CLIP4: variants seen among roughly 807,000 people sequenced by gnomAD.
CLIP4 encodes CAP-Gly domain containing linker protein family member 4, also known as CAP-Gly domain-containing linker protein 4.
CLIP4 carries 47 observed loss-of-function variants against 73.1 expected under a neutral mutation model. The observed-to-expected ratio is 0.64, with a 90% confidence interval of 0.51 to 0.82. The LOEUF is 0.82. Ranked by LOEUF, CLIP4 falls within the 40% of genes least tolerant of loss-of-function variation. The pLI, the probability that CLIP4 is intolerant of heterozygous loss-of-function variation, is 0.00. For missense variants in CLIP4, 874 were observed against 852.9 expected (o/e 1.02, Z -0.31); for synonymous variants, 306 against 295.4 (o/e 1.04, Z -0.37).
In CLIP4 at chr2:29,157,481, A is replaced by G. The variant is rs548267385; in HGVS notation, c.1399+134A>G. ...GATTGAACTACTTTTACTCTTCCCC[A>G]CCTCCCCCGAACCTTAAGCCTTAAG... On this transcript the variant is annotated intron_variant, in intron 11 of 15. Transcript: ENST00000320081. 10 of 1,387,948 alleles carry G rather than the reference A, an allele frequency of 7.2e-6. No homozygotes were observed. The South Asian group carries it at 1.1e-4, about 15-fold the overall frequency. 86.0% of individuals were successfully genotyped at this position (1,387,948 alleles called of 1,614,324 possible).
intron 3 of CLIP4, 132 bp downstream of exon 3, chr2:29,131,529 A>T: frequency 1.0e-6 from 1 of 975,724 alleles, no homozygotes; most frequent in Non-Finnish European, 1.5e-6. Context: ...TTGTATTTCC[A>T]GGATTTTCAT....
chr2:29,112,597 G>T (rs1668410534), upstream of CLIP4, among the ~76,000 whole-genome samples: 1 of 152,228 alleles, frequency 6.6e-6, no homozygotes, highest in African/African-American at 2.4e-5. Context: ...CTTGTACTTG[G>T]CAACCTTGCT....
At chr2:29,138,631 C>T (rs1297447921) in intron 6 of CLIP4, among the ~76,000 whole-genome samples, 1 of 152,052 alleles carries the variant, frequency 6.6e-6, no homozygotes, top group Non-Finnish European at 1.5e-5. Flanking sequence ...CTGATTCTTC[C>T]AGTCCATGAG....
At chr2:29,169,328 A>G (rs1358902713) in intron 14 of CLIP4, among the ~76,000 whole-genome samples, 1 of 81,168 alleles carries the variant, frequency 1.2e-5, no homozygotes, top group East Asian at 3.5e-4. Context: ...GGTCTTTTTC[A>G]CTGTGTGTGT....
intron 5 of CLIP4, among the ~76,000 whole-genome samples, chr2:29,135,156 T>C (rs1419279391): frequency 1.3e-5 from 2 of 152,204 alleles, no homozygotes; most frequent in African/African-American, 4.8e-5. Context: ...CTCTGAGTCA[T>C]AGGTTGCTGA....
chr2:29,148,476 T>A (rs1036422037), intron 8 of CLIP4, among the ~76,000 whole-genome samples: 1 of 152,220 alleles, frequency 6.6e-6, no homozygotes, highest in Non-Finnish European at 1.5e-5. Flanking sequence ...ACTGTTTTTA[T>A]GTCTTTTAAT....
chr2:29,181,742 T>G lies in CLIP4; in HGVS notation c.1967T>G (p.Leu656Arg), dbSNP rs748901598. ...TDFASGIWLG[L>R]ELRSAKGKND... ...TTTGCTTCAGGTATCTGGCTTGGAC[T>G]TGAGCTCCGAAGCGCCAAGGGAAAA... Residue 656 changes from leucine (L) to arginine (R), a missense_variant, in exon 16 of 16, where the codon CTT becomes CGT. Coordinates refer to ENST00000320081, the MANE Select transcript of CLIP4 (RefSeq NM_024692.6). The G allele has an allele frequency of 3.7e-6, 6 of 1,614,034 alleles. No individual in the cohort carries two copies. The Admixed American group carries it at 6.7e-5, about 18-fold the overall frequency.
At chr2:29,142,903 C>G (rs1406881039) in intron 6 of CLIP4, among the ~76,000 whole-genome samples, 2 of 152,162 alleles carry the variant, frequency 1.3e-5, no homozygotes, top group Admixed American at 6.5e-5. Flanking sequence ...GATACATATA[C>G]CATGCAAATG....
At chr2:29,166,455 T>C (rs1294212520) in intron 13 of CLIP4, among the ~76,000 whole-genome samples, 1 of 151,964 alleles carries the variant, frequency 6.6e-6, no homozygotes, top group East Asian at 1.9e-4. Context: ...CTTCTGCTAA[T>C]ATATGAATCA....
In CLIP4 at chr2:29,157,221, G is replaced by T. The variant is rs75318351; in HGVS notation, c.1273G>T (p.Val425Phe). 6.3e-3 allele frequency: 10,245 copies of T among 1,613,996 alleles called. 50 individuals are homozygous for T. Among genetic ancestry groups the T allele is most frequent in the Non-Finnish European group, 7.8e-3 (9,180 of 1,179,932 alleles). The change falls in exon 11 of 16, where the codon GTC (valine) becomes TTC (phenylalanine). Residue 425 changes from valine (V) to phenylalanine (F), a missense_variant. Val to Phe is a conservative substitution (Grantham distance 50). Coordinates refer to ENST00000320081, the MANE Select transcript of CLIP4 (RefSeq NM_024692.6). ...TEKDVALLGS[V>F]SSCSSTSSLE... is the part of the protein sequence containing the mutation. ...TGTTACAGTTGCCCTGCTTGGATCT[G>T]TCAGCAGCTGCTCCTCTACATCTTC...
chr2:29,113,194 C>A (rs1372434049), upstream of CLIP4, among the ~76,000 whole-genome samples: 1 of 152,192 alleles, frequency 6.6e-6, no homozygotes, highest in East Asian at 1.9e-4. This position sits in a 1 kb window ranked among gnomAD's most constrained non-coding sequence, Gnocchi z 4.0. Flanking sequence ...AGGTCAAGTG[C>A]CTTACAGTGG....
chr2:29,131,430 G>A, intron 3 of CLIP4, 33 bp downstream of exon 3: 1 of 1,568,876 alleles, frequency 6.4e-7, no homozygotes, highest in Non-Finnish European at 8.6e-7. Context: ...GTTTTGCATT[G>A]TTAGGATTGT....
rs1469403448 is a variant in CLIP4 at position 29,167,419 on chromosome 2, A to C, written c.1659-57A>C. 2.5e-6 allele frequency: 3 copies of C among 1,217,314 alleles called. No individual in the cohort carries two copies. The African/African-American group carries it at 4.7e-5, about 19-fold the overall frequency. The allele number at this position is 1,217,314 out of a possible 1,614,324, so 75.4% of individuals were successfully genotyped here. On this transcript the variant is annotated intron_variant, in intron 13 of 15. Transcript: ENST00000320081. ...GGTGTGAAAAACTTAGTTGATAACCAGTCTTAAACCTGAAGACCAGCTACT... is the reference window on the plus strand; with the variant it reads ...GGTGTGAAAAACTTAGTTGATAACCCGTCTTAAACCTGAAGACCAGCTACT...
intron 10 of CLIP4, 134 bp from the exon 11 acceptor site, chr2:29,157,070 G>A (rs1666973532): frequency 1.0e-5 from 7 of 700,892 alleles, no homozygotes; most frequent in African/African-American, 1.8e-5. Context: ...ATGAAATTAG[G>A]CATTTAATTT....
In CLIP4 at chr2:29,153,719, G is replaced by A. The variant is rs78176724; in HGVS notation, c.1165+891G>A. ...GTTGAGGTAGAAAGCTCTCTACCAG[G>A]ATGAAAGGAATTTGTCCAAGAATTA... On this transcript the variant is annotated intron_variant, in intron 9 of 15. Coordinates refer to ENST00000320081, the MANE Select transcript of CLIP4 (RefSeq NM_024692.6). Among the ~76,000 whole-genome samples, 1,453 of 152,278 alleles carry A rather than the reference G, an allele frequency of 9.5e-3. 28 individuals are homozygous for A. The highest frequency in any genetic ancestry group is 0.033 in the African/African-American group (1,355 of 41,554).
intron 1 of CLIP4, among the ~76,000 whole-genome samples, chr2:29,117,074 G>A (rs1431280038): frequency 6.6e-6 from 1 of 152,182 alleles, no homozygotes; most frequent in Non-Finnish European, 1.5e-5. Context: ...TGGAGCTATA[G>A]GCTTGCTTTA....
Position 29,120,066 on chromosome 2 carries a change from C to T in CLIP4, c.-15-1308C>T, listed in dbSNP as rs559602332. 5.9e-5 allele frequency among the ~76,000 whole-genome samples: 9 copies of T among 152,132 alleles called. No individual in the cohort carries two copies. The Middle Eastern group carries it at 0.017, about 287-fold the overall frequency. On this transcript the variant is annotated intron_variant, in intron 1 of 15. Coordinates refer to ENST00000320081, the MANE Select transcript of CLIP4 (RefSeq NM_024692.6). ...ATTGATAGTATTTGAGGAAGATCAC[C>T]GCTGCTCTATAACACTAATTCCATG...
Position 29,181,593 on chromosome 2 carries a change from C to T in CLIP4, c.1818C>T (p.Arg606=), listed in dbSNP as rs1668647118. The T allele has an allele frequency of 1.7e-5, 28 of 1,609,182 alleles. No individual in the cohort carries two copies. Among genetic ancestry groups the T allele is most frequent in the Non-Finnish European group, 2.4e-5 (28 of 1,176,618 alleles). The part of the protein sequence containing the change: ...AFSKSKAALR[R]SWSSTPTAGG... ...ACAGATCGAAAGCTGCTTTGCGTCG[C>T]AGTTGGAGCAGCACCCCCACCGCAG... Residue 606 remains arginine (R), a synonymous_variant, in exon 16 of 16, where the codon CGC becomes CGT. Coordinates refer to ENST00000320081, the MANE Select transcript of CLIP4 (RefSeq NM_024692.6).
intron 15 of CLIP4, among the ~76,000 whole-genome samples, chr2:29,180,634 A>G (rs1668593028): frequency 6.6e-6 from 1 of 152,190 alleles, no homozygotes; most frequent in African/African-American, 2.4e-5. Context: ...ATATGAAAAA[A>G]TATTTTTTAA....
Sources: gnomAD v4.1 joint callset for allele counts (sites outside exome capture counted in the v4.1 genomes callset) on GRCh38, gnomAD v4.1.1 for gene constraint, Gnocchi (gnomAD v3.1) non-coding constraint, MANE v1.5 for transcripts, NCBI Gene and HGNC (gene_info 2026-07-23, HGNC 2026-07-21) for gene names.